ITGBL1: variants seen among roughly 807,000 people sequenced by gnomAD.
ITGBL1 encodes integrin beta-like protein 1.
In ITGBL1, 51 loss-of-function variants were observed where a neutral mutation model predicts 68.5. That is an observed-to-expected ratio of 0.74 (90% CI 0.59 to 0.94). ITGBL1 has a LOEUF of 0.94. ITGBL1 is among the 40% of genes least tolerant of loss of function. The pLI, the probability that ITGBL1 is intolerant of heterozygous loss-of-function variation, is 0.00. For missense variants in ITGBL1, 649 were observed against 647.4 expected (o/e 1.00, Z -0.03); for synonymous variants, 209 against 227.3 (o/e 0.92, Z 0.72).
intron 7 of ITGBL1, among the ~76,000 whole-genome samples, chr13:101,628,190 A>G (rs974193470): frequency 6.6e-6 from 1 of 152,208 alleles, no homozygotes; most frequent in African/African-American, 2.4e-5. Flanking sequence ...TTGCCTGATG[A>G]CAATATATAA....
At chr13:101,683,987 A>T (rs1594978515) in intron 7 of ITGBL1, among the ~76,000 whole-genome samples, 1 of 152,088 alleles carries the variant, frequency 6.6e-6, no homozygotes, top group East Asian at 1.9e-4. Context: ...TATGTGTGTC[A>T]CTGATATCAT....
At chr13:101,566,126 T>C (rs535967627) in intron 2 of ITGBL1, among the ~76,000 whole-genome samples, 14 of 152,284 alleles carry the variant, frequency 9.2e-5, no homozygotes, top group African/African-American at 2.9e-4. Context: ...CTAAATCATT[T>C]CTATTTTCTT....
rs1409024474 is a variant in ITGBL1 at position 101,642,783 on chromosome 13, G to A, written c.1015+44484G>A. Among the ~76,000 whole-genome samples the A allele has an allele frequency of 1.8e-3, 281 of 151,990 alleles. 1 individual carries two copies. Among genetic ancestry groups the A allele is most frequent in the African/African-American group, 6.3e-3 (261 of 41,370 alleles). ...ATCCAGTTTCAGCTTTCTACATATG[G>A]CTGGCCAGTTTTCCCAGCACCATTT... On this transcript the variant is annotated intron_variant, in intron 7 of 10. Coordinates refer to ENST00000376180, the MANE Select transcript of ITGBL1 (RefSeq NM_004791.3).
chr13:101,532,596 A>G (rs1221113124), intron 2 of ITGBL1, among the ~76,000 whole-genome samples: 2 of 152,244 alleles, frequency 1.3e-5, no homozygotes, highest in African/African-American at 4.8e-5. Flanking sequence ...ATTAGAAAGA[A>G]AAAAGGAAAG....
intron 6 of ITGBL1, among the ~76,000 whole-genome samples, chr13:101,595,570 A>G (rs2029912921): frequency 6.6e-6 from 1 of 152,168 alleles, no homozygotes; most frequent in Admixed American, 6.5e-5. Context: ...TCCAAAGAAG[A>G]TATGCAAATG....
chr13:101,575,177 A>G (rs1171571946), intron 3 of ITGBL1, among the ~76,000 whole-genome samples: 1 of 152,130 alleles, frequency 6.6e-6, no homozygotes, highest in Non-Finnish European at 1.5e-5. Flanking sequence ...GGAGAGGTCA[A>G]ATTTACATTC....
At chr13:101,585,729 G>A (rs1050462409) in intron 6 of ITGBL1, among the ~76,000 whole-genome samples, 10 of 151,984 alleles carry the variant, frequency 6.6e-5, no homozygotes, top group Non-Finnish European at 8.8e-5. Context: ...CTCCCCCGGC[G>A]GCAATGTCAT....
chr13:101,621,992 GA>G (rs985832158), intron 7 of ITGBL1, among the ~76,000 whole-genome samples: 1 of 152,014 alleles, frequency 6.6e-6, no homozygotes, highest in Non-Finnish European at 1.5e-5. Context: ...GAAATGGGAG[GA>G]AATGTTTTAA....
rs1594894764 is a variant in ITGBL1, at chr13:101,567,742, A to G, written c.360A>G (p.Gly120=). ...GTGGCAAGTGCAAGTGTGACCAGGG[A>G]TGGTATGGGGATGCTTGCCAGTACC... ...CDCGKCKCDQ[G]WYGDACQYPT... is the part of the protein sequence containing the mutation. The change falls in exon 3 of 11, where the codon GGA becomes GGG. Residue 120 remains glycine, a synonymous_variant. Coordinates refer to ENST00000376180, the MANE Select transcript of ITGBL1 (RefSeq NM_004791.3). 6.2e-7 allele frequency: 1 copy of G among 1,613,426 alleles called. No homozygotes were observed. The highest frequency in any genetic ancestry group is 1.3e-5 in the African/African-American group (1 of 74,982).
chr13:101,707,817 C>G (rs2034295131), intron 9 of ITGBL1, among the ~76,000 whole-genome samples: 1 of 149,146 alleles, frequency 6.7e-6, no homozygotes, highest in Admixed American at 6.7e-5. Flanking sequence ...CACACCACTG[C>G]ACTCCAGCCT....
intron 2 of ITGBL1, among the ~76,000 whole-genome samples, chr13:101,518,218 TATAAGGAACC>T (rs2049226778): frequency 6.6e-6 from 1 of 152,212 alleles, no homozygotes; most frequent in Admixed American, 6.5e-5. Context: ...TTTTTTCAAT[TATAAGGAACC>T]ATAAAATCAT....
chr13:101,656,938 A>AT (rs539986570), intron 7 of ITGBL1, among the ~76,000 whole-genome samples: 14 of 140,450 alleles, frequency 1.0e-4, no homozygotes, highest in African/African-American at 1.9e-4. Context: ...TATTGCTTCT[A>AT]TTTTTTTTTC....
At chr13:101,680,361 C>T (rs2033613059) in intron 7 of ITGBL1, among the ~76,000 whole-genome samples, 1 of 151,962 alleles carries the variant, frequency 6.6e-6, no homozygotes, top group Non-Finnish European at 1.5e-5. Flanking sequence ...TTATGTGAGC[C>T]TCTAATTACT....
At chr13:101,666,207 G>A (rs147404785) in intron 7 of ITGBL1, among the ~76,000 whole-genome samples, 3,869 of 152,136 alleles carry the variant, frequency 0.025, 66 homozygotes, top group Middle Eastern at 0.055. Flanking sequence ...TGGAACAGCC[G>A]GGCAGCCCCT....
chr13:101,672,683 T>A (rs772445483), intron 7 of ITGBL1, among the ~76,000 whole-genome samples: 1 of 152,228 alleles, frequency 6.6e-6, no homozygotes, highest in African/African-American at 2.4e-5. Flanking sequence ...TCCAGTGCAC[T>A]CTGCCACCAG....
chr13:101,538,909 AT>A (rs2049629737), intron 2 of ITGBL1, among the ~76,000 whole-genome samples: 1 of 152,078 alleles, frequency 6.6e-6, no homozygotes, highest in African/African-American at 2.4e-5. Flanking sequence ...CCATTTTCTC[AT>A]TTTACAGATG....
chr13:101,684,154 T>A (rs1320613776), intron 7 of ITGBL1, among the ~76,000 whole-genome samples: 1 of 152,032 alleles, frequency 6.6e-6, no homozygotes, highest in Non-Finnish European at 1.5e-5. Flanking sequence ...CAGTGTCACC[T>A]TGTCCTAATC....
At chr13:101,709,154 A>G (rs889423364) in intron 9 of ITGBL1, among the ~76,000 whole-genome samples, 1 of 151,646 alleles carries the variant, frequency 6.6e-6, no homozygotes, top group South Asian at 2.1e-4. Flanking sequence ...TCATGAGGTC[A>G]GGAGATCGAG....
At chr13:101,517,999 A>C (rs1304433006) in intron 2 of ITGBL1, among the ~76,000 whole-genome samples, 5 of 152,150 alleles carry the variant, frequency 3.3e-5, no homozygotes, top group Non-Finnish European at 7.4e-5. Flanking sequence ...GCATGACGTG[A>C]GCTGGTGTGT....
Sources: allele counts gnomAD v4.1 joint callset (sites outside exome capture counted in the v4.1 genomes callset), GRCh38; gene constraint gnomAD v4.1.1; transcripts MANE v1.5; gene names NCBI Gene and HGNC (gene_info 2026-07-23, HGNC 2026-07-21).